Variants in KAZN observed in about 807,000 individuals in gnomAD.
KAZN encodes kazrin.
KAZN carries 40 observed loss-of-function variants against 87.4 expected under a neutral mutation model. The ratio of observed to expected loss-of-function variants is 0.46; its 90% CI spans 0.36 to 0.60. KAZN has a LOEUF of 0.60. KAZN is among the 20% of genes least tolerant of loss of function. KAZN has a pLI of 0.00. For missense variants in KAZN, 898 were observed against 1,073.9 expected, an observed-to-expected ratio of 0.84 and a Z score of 2.29; for synonymous variants, 466 against 458.3, an observed-to-expected ratio of 1.02 and a Z score of -0.22.
At chr1:14,313,482 G>A (rs1260159769) in intron 2 of KAZN, among the ~76,000 whole-genome samples, 1 of 152,106 alleles carries the variant, frequency 6.6e-6, no homozygotes, top group Non-Finnish European at 1.5e-5. Flanking sequence ...TCCTTTCTAT[G>A]AAGGGGTGGT....
intron 2 of KAZN, among the ~76,000 whole-genome samples, chr1:14,413,264 A>C (rs1238791782): frequency 6.6e-6 from 1 of 152,042 alleles, no homozygotes; most frequent in East Asian, 1.9e-4. Flanking sequence ...ATTAAATTAG[A>C]CCTTTACCTC....
At chr1:15,065,448 A>AC (rs1420063256) in intron 7 of KAZN, among the ~76,000 whole-genome samples, 182 bp from the exon 8 acceptor site, 2 of 152,116 alleles carry the variant, frequency 1.3e-5, no homozygotes, top group Non-Finnish European at 2.9e-5. Flanking sequence ...TGAGGGGCTG[A>AC]CCTTGGCATT....
chr1:14,233,801 G>T (rs937217268), intron 2 of KAZN, among the ~76,000 whole-genome samples: 17 of 152,166 alleles, frequency 1.1e-4, no homozygotes, highest in African/African-American at 4.1e-4. Context: ...ATAAATTAAA[G>T]ACATAGTACC....
chr1:14,249,980 T>C (rs1649864747), intron 2 of KAZN, among the ~76,000 whole-genome samples: 1 of 152,186 alleles, frequency 6.6e-6, no homozygotes, highest in African/African-American at 2.4e-5. Context: ...TTTACAGGTT[T>C]AATTAACCCC....
intron 1 of KAZN, among the ~76,000 whole-genome samples, chr1:14,765,554 A>T (rs1486541665): frequency 6.6e-6 from 1 of 152,184 alleles, no homozygotes; most frequent in Non-Finnish European, 1.5e-5. Context: ...GTGCAGATGT[A>T]TTGGGAGAAA....
chr1:14,766,119 G>A (rs541423170), intron 1 of KAZN, among the ~76,000 whole-genome samples: 33 of 152,294 alleles, frequency 2.2e-4, no homozygotes, highest in Admixed American at 1.9e-3. Context: ...ACAGTAGGGG[G>A]ATATATGAGA....
chr1:14,086,195 G>T (rs1306092044), intron 1 of KAZN, among the ~76,000 whole-genome samples: 1 of 139,562 alleles, frequency 7.2e-6, no homozygotes, highest in Non-Finnish European at 1.6e-5. Context: ...TTTTGGTTTG[G>T]TTTGGTTTAT....
At position 13,910,567 on chromosome 1, in the gene KAZN, C is replaced by T. The variant is rs182821754; in HGVS notation, c.91+16811C>T. Among the ~76,000 whole-genome samples the T allele has an allele frequency of 2.2e-3, 335 of 151,952 alleles. 4 individuals carry two copies. The highest frequency in any genetic ancestry group is 9.1e-4 in the Non-Finnish European group (62 of 67,984). On this transcript the variant is annotated intron_variant, in intron 1 of 16. Coordinates refer to the KAZN transcript ENST00000636203. Reference sequence around the variant, plus strand: ...TGCTCCTGCTTCACCATATAAAGTTCCTGGCTCCCCATTTGCCTTCTGCCC... The same window carrying T: ...TGCTCCTGCTTCACCATATAAAGTTTCTGGCTCCCCATTTGCCTTCTGCCC...
chr1:14,473,808 C>T (rs781471330), intron 2 of KAZN, among the ~76,000 whole-genome samples: 25 of 152,064 alleles, frequency 1.6e-4, no homozygotes, highest in Non-Finnish European at 2.6e-4. Flanking sequence ...ATGTGTCTAC[C>T]ACAGGGCCTT....
chr1:14,738,285 G>A (rs945405317), intron 1 of KAZN, among the ~76,000 whole-genome samples: 2 of 152,140 alleles, frequency 1.3e-5, no homozygotes, highest in African/African-American at 4.8e-5. Context: ...TGGTGTGCAG[G>A]ATCCTTCTCT....
chr1:15,067,316 G>A (rs1200389544), intron 8 of KAZN: 1 of 985,496 alleles, frequency 1.0e-6, no homozygotes, highest in African/African-American at 1.7e-5. Flanking sequence ...ACAGCAGCCT[G>A]AGCCTACCCA....
At chr1:14,125,968 T>TGGGGGG (rs1644856810) in intron 1 of KAZN, among the ~76,000 whole-genome samples, 1 of 43,066 alleles carries the variant, frequency 2.3e-5, no homozygotes, top group Non-Finnish European at 4.4e-5. Flanking sequence ...CGGGGTGGGG[T>TGGGGGG]GGGGGGTGGG....
At chr1:14,851,233 C>A (rs1210482091) in intron 1 of KAZN, among the ~76,000 whole-genome samples, 4 of 152,156 alleles carry the variant, frequency 2.6e-5, no homozygotes, top group Non-Finnish European at 4.4e-5. Context: ...TGCAGTGTTA[C>A]CTTCTTATCA....
chr1:14,788,071 C>A (rs773415800), intron 1 of KAZN, among the ~76,000 whole-genome samples: 35 of 152,092 alleles, frequency 2.3e-4, no homozygotes, highest in Non-Finnish European at 4.0e-4. Context: ...ACCCCTTGTT[C>A]AAAAATTATG....
In KAZN at chr1:14,600,666, C is replaced by CAAA. The variant is rs59840012; in HGVS notation, c.226+1463_226+1465dup. On this transcript the variant is annotated intron_variant, in intron 1 of 14. Transcript: ENST00000376030. ...AGAACATTCTCCACTGGAACCTGTGCAAAAAAAAAAAAAAAAAAAAAAGAC... is the reference window on the plus strand; with the variant it reads ...AGAACATTCTCCACTGGAACCTGTGCAAAAAAAAAAAAAAAAAAAAAAAAAGAC... Among the ~76,000 whole-genome samples the CAAA allele has an allele frequency of 5.2e-4, 62 of 118,396 alleles. 1 individual carries two copies. Among genetic ancestry groups the CAAA allele is most frequent in the African/African-American group, 1.4e-3 (41 of 29,900 alleles). The allele number at this position is 118,396 out of a possible 152,430, so 77.7% of individuals were successfully genotyped here.
chr1:13,959,557 A>G (rs899197235), intron 1 of KAZN, among the ~76,000 whole-genome samples: 2 of 152,198 alleles, frequency 1.3e-5, no homozygotes, highest in Non-Finnish European at 2.9e-5. Context: ...ATCCTATTGG[A>G]ACATGGCCCT....
At chr1:14,688,919 C>T (rs1032482801) in intron 1 of KAZN, among the ~76,000 whole-genome samples, 10 of 152,130 alleles carry the variant, frequency 6.6e-5, no homozygotes, top group East Asian at 1.9e-4. Context: ...TAAGGCTGGG[C>T]GCGGTGGCTC....
intron 1 of KAZN, among the ~76,000 whole-genome samples, chr1:13,914,130 C>T (rs752129433): frequency 6.6e-6 from 1 of 152,182 alleles, no homozygotes. Flanking sequence ...GATGGAGAAC[C>T]AAATCCCAGT....
intron 2 of KAZN, among the ~76,000 whole-genome samples, chr1:14,289,807 A>G (rs1653539545): frequency 6.6e-6 from 1 of 152,152 alleles, no homozygotes; most frequent in Non-Finnish European, 1.5e-5. Flanking sequence ...ATGTTTTTGC[A>G]GTGGCTGGTA....
Sources: gnomAD v4.1 joint callset for allele counts (sites outside exome capture counted in the v4.1 genomes callset) on GRCh38, gnomAD v4.1.1 for gene constraint, MANE v1.5 for transcripts, NCBI Gene and HGNC (gene_info 2026-07-23, HGNC 2026-07-21) for gene names.